Variants in SRGAP2 observed in about 807,000 individuals in gnomAD.
SRGAP2 encodes the protein SLIT-ROBO Rho GTPase-activating protein 2.
SRGAP2 carries 15 observed loss-of-function variants against 57.2 expected under a neutral mutation model. That is an observed-to-expected ratio of 0.26 (90% confidence interval 0.18 to 0.40). The LOEUF (loss-of-function observed/expected upper bound fraction) is 0.40. Ranked by LOEUF, SRGAP2 falls within the 10% of genes least tolerant of loss-of-function variation. SRGAP2 has a pLI of 1.00. For synonymous variants in SRGAP2, 249 were observed against 248.0 expected (o/e 1.00, Z -0.04); for missense variants, 520 against 669.6 (o/e 0.78, Z 2.47).
In SRGAP2 at chr1:206,415,971, A is replaced by G; in HGVS notation, c.1439A>G (p.Glu480Gly). Residue 480 changes from glutamate (E) to glycine (G), a missense_variant and splice_region_variant, in exon 11 of 23, where the codon GAA (glutamate) becomes GGA (glycine). Glu to Gly is a moderately conservative substitution (Grantham distance 98). Around this residue, in one of 5 missense-constraint regions of SRGAP2, gnomAD observed 478 missense variants for 373.6 expected, o/e 1.28. Transcript: ENST00000573034. ...KHDLLQKTLG[E>G]SQRTDCSLAR... Reference sequence around the variant, plus strand: ...GACCTTCTGCAGAAAACCCTGGGAGAAAGTGAGTGTGGGAACCCTCTGCTA... The same window carrying G: ...GACCTTCTGCAGAAAACCCTGGGAGGAAGTGAGTGTGGGAACCCTCTGCTA... The G allele has an allele frequency of 1.3e-6, 1 of 780,140 alleles. No individual in the cohort carries two copies. The highest frequency in any genetic ancestry group is 2.4e-5 in the East Asian group (1 of 41,198). 48.3% of individuals were successfully genotyped at this position (780,140 alleles called of 1,614,324 possible).
chr1:206,435,732 A>G (rs1365049170), intron 14 of SRGAP2, among the ~76,000 whole-genome samples: 3 of 152,232 alleles, frequency 2.0e-5, no homozygotes, highest in Middle Eastern at 3.2e-3. Flanking sequence ...ATCACTCATC[A>G]ATCCCCTCAT....
intron 14 of SRGAP2, among the ~76,000 whole-genome samples, chr1:206,435,567 C>T (rs1661654648): frequency 1.3e-5 from 2 of 152,234 alleles, no homozygotes; most frequent in Admixed American, 6.5e-5. Flanking sequence ...AAGCCATGTC[C>T]ATGCTCAGAC....
intron 13 of SRGAP2, among the ~76,000 whole-genome samples, chr1:206,421,556 C>T (rs1018829679): frequency 6.6e-6 from 1 of 152,168 alleles, no homozygotes; most frequent in African/African-American, 2.4e-5. Flanking sequence ...CAGAACTGCC[C>T]ATGGCATCCT....
intron 2 of SRGAP2, among the ~76,000 whole-genome samples, chr1:206,240,282 A>AG (rs1558243869): frequency 1.4e-5 from 2 of 144,080 alleles, no homozygotes; most frequent in African/African-American, 5.0e-5. Context: ...AAAAAAAAAA[A>AG]AAAGACATTG....
In SRGAP2 at chr1:206,427,713, T is replaced by A. The variant is rs1054001557; in HGVS notation, c.1495-2449T>A. ...ATCGCACTTGACAGTCTGGTCTCTG[T>A]CCTGAACATCTAAAGCCCTTTCTAG... On this transcript the variant is annotated intron_variant, in intron 13 of 22. Transcript: ENST00000573034. 7.2e-5 allele frequency among the ~76,000 whole-genome samples: 11 copies of A among 152,210 alleles called. No homozygotes were observed. In the East Asian group the frequency reaches 1.9e-3, roughly 27 times the overall value.
chr1:206,356,871 G>A (rs1352231962), intron 4 of SRGAP2, among the ~76,000 whole-genome samples: 1 of 145,242 alleles, frequency 6.9e-6, no homozygotes. Flanking sequence ...CCCAGCCCTT[G>A]GGGTTTTTTG....
In SRGAP2 at chr1:206,458,790, A is replaced by G. The variant is rs1424053337; in HGVS notation, c.2675A>G (p.Lys892Arg). The G allele has an allele frequency of 1.0e-5, 8 of 780,740 alleles. No homozygotes were observed. In the African/African-American group the frequency reaches 1.4e-4, roughly 13 times the overall value. 48.4% of individuals were successfully genotyped at this position (780,740 alleles called of 1,614,324 possible). A position where few individuals can be genotyped will look rare whatever the true frequency, so the allele number is the denominator to read the frequency against. ...AGCCTCCCCAAAGAAGGGCCAGATAAGTGTTCCATCAGTGGGCACGGGAGC... is the reference window on the plus strand; with the variant it reads ...AGCCTCCCCAAAGAAGGGCCAGATAGGTGTTCCATCAGTGGGCACGGGAGC... The part of the protein sequence containing the change: ...SQSLPKEGPD[K>R]CSISGHGSLN... Residue 892 changes from lysine (K) to arginine (R), a missense_variant, in exon 22 of 23, where the codon AAG (lysine) becomes AGG (arginine). Coordinates refer to ENST00000573034, the MANE Select transcript of SRGAP2 (RefSeq NM_015326.5).
At chr1:206,402,027 AG>A (rs1658233296) in intron 8 of SRGAP2, among the ~76,000 whole-genome samples, 2 of 149,642 alleles carry the variant, frequency 1.3e-5, no homozygotes, top group Non-Finnish European at 3.0e-5. Context: ...AAAGTGAGGG[AG>A]GGGGGCGCTC....
chr1:206,390,771 G>T (rs1345098357), intron 5 of SRGAP2, among the ~76,000 whole-genome samples: 34 of 152,146 alleles, frequency 2.2e-4, no homozygotes, highest in Non-Finnish European at 4.1e-4. Context: ...GCCATTAGTT[G>T]TTAAGTATTT....
rs1654583316 is a variant in SRGAP2, at chr1:206,371,796, TC to T, written c.424-12217del. On this transcript the variant is annotated intron_variant, in intron 4 of 22. Transcript: ENST00000573034. ...TCACTGTTAAAAACAACACTAATAA[TC>T]ATCTGTGGGGTTTTCCTTTTTTAGA... is the stretch of plus-strand genomic sequence containing the variant. 2.4e-5 allele frequency among the ~76,000 whole-genome samples: 2 copies of T among 83,568 alleles called. 1 individual carries two copies. Among genetic ancestry groups the T allele is most frequent in the South Asian group, 8.8e-4 (2 of 2,268 alleles). The allele number at this position is 83,568 out of a possible 152,430, so 54.8% of individuals were successfully genotyped here.
chr1:206,353,948 T>A (rs1676238472), intron 4 of SRGAP2, among the ~76,000 whole-genome samples: 1 of 151,464 alleles, frequency 6.6e-6, no homozygotes, highest in Non-Finnish European at 1.5e-5. Context: ...TACAGGTGTG[T>A]ACCATCATGC....
intron 19 of SRGAP2, among the ~76,000 whole-genome samples, chr1:206,452,866 A>G (rs1375017385): frequency 6.9e-6 from 1 of 144,852 alleles, no homozygotes; most frequent in East Asian, 2.2e-4. Flanking sequence ...AGCCTGAGCG[A>G]CAGAGTAAGA....
chr1:206,229,382 C>A (rs1361991773), intron 2 of SRGAP2, among the ~76,000 whole-genome samples: 1 of 150,878 alleles, frequency 6.6e-6, no homozygotes, highest in Non-Finnish European at 1.5e-5. Context: ...ACTCTGAGTA[C>A]TTAAATCATT....
chr1:206,423,587 CT>C, intron 13 of SRGAP2, among the ~76,000 whole-genome samples: 1 of 152,344 alleles, frequency 6.6e-6, no homozygotes, highest in East Asian at 1.9e-4. Context: ...GGCCCCAAAT[CT>C]TACCTTTGAT....
chr1:206,265,593 T>TA (rs1402518349), intron 2 of SRGAP2, among the ~76,000 whole-genome samples: 1 of 83,920 alleles, frequency 1.2e-5, no homozygotes, highest in African/African-American at 4.8e-5. Flanking sequence ...GAATGCTTGA[T>TA]ATTCTTGGTG....
chr1:206,438,605 C>T (rs1250104038), intron 16 of SRGAP2, among the ~76,000 whole-genome samples: 1 of 152,300 alleles, frequency 6.6e-6, no homozygotes, highest in East Asian at 1.9e-4. Flanking sequence ...TCTGCTTTAT[C>T]CTCTTAGGAG....
At chr1:206,310,622 CA>C (rs1159567612) in intron 3 of SRGAP2, among the ~76,000 whole-genome samples, 2 of 152,006 alleles carry the variant, frequency 1.3e-5, no homozygotes, top group Non-Finnish European at 2.9e-5. Context: ...TTAGTAACAG[CA>C]CTTTTGTTTT....
At chr1:206,385,792 C>T (rs1198987131) in intron 5 of SRGAP2, among the ~76,000 whole-genome samples, 6 of 152,170 alleles carry the variant, frequency 3.9e-5, no homozygotes, top group Admixed American at 6.5e-5. Context: ...CAATATTCGC[C>T]AACTACTTTA....
chr1:206,402,211 A>G (rs1658257797), intron 8 of SRGAP2, among the ~76,000 whole-genome samples: 1 of 152,128 alleles, frequency 6.6e-6, no homozygotes, highest in Non-Finnish European at 1.5e-5. Flanking sequence ...TAGTTTGGGT[A>G]TTGAATAAAA....
Sources: gnomAD v4.1 joint callset for allele counts (sites outside exome capture counted in the v4.1 genomes callset) on GRCh38, gnomAD v4.1.1 for gene constraint, gnomAD v4.1.1 regional missense constraint, MANE v1.5 for transcripts, NCBI Gene and HGNC (gene_info 2026-07-23, HGNC 2026-07-21) for gene names.